Variants in COL11A1 observed in about 807,000 individuals in gnomAD.
The protein encoded by COL11A1 is collagen type XI alpha 1 chain, also known as collagen alpha-1(XI) chain.
COL11A1 carries 74 observed loss-of-function variants against 265.2 expected under a neutral mutation model. That is an observed-to-expected ratio of 0.28 (90% CI 0.23 to 0.34). COL11A1 has a LOEUF of 0.34. Ranked by LOEUF, COL11A1 falls within the 10% of genes least tolerant of loss-of-function variation. COL11A1 has a pLI of 1.00. For missense variants in COL11A1, 2,165 were observed against 2,263.6 expected, an observed-to-expected ratio of 0.96 and a Z score of 0.88; for synonymous variants, 816 against 727.6, an observed-to-expected ratio of 1.12 and a Z score of -1.96.
chr1:102,880,313 C>G (rs1650072763), intron 65 of COL11A1, among the ~76,000 whole-genome samples: 2 of 152,056 alleles, frequency 1.3e-5, no homozygotes, highest in Middle Eastern at 3.4e-3. Flanking sequence ...CAAAGATTAG[C>G]TGGTTTTATG....
chr1:103,022,869 A>C lies in COL11A1; in HGVS notation c.1118T>G (p.Leu373Arg). 1 of 1,614,002 alleles carries C rather than the reference A, an allele frequency of 6.2e-7. No homozygotes were observed. The highest frequency in any genetic ancestry group is 8.5e-7 in the Non-Finnish European group (1 of 1,179,966). ...ATATTCGCCTAAATCTCCATCTACC[A>C]GAAGATCAGAATCCCTGCCGTCTAT... ...KEIDGRDSDL[L>R]VDGDLGEYDF... Residue 373 changes from leucine to arginine, a missense_variant, in exon 8 of 67, where the codon CTG becomes CGG. Leu to Arg is a moderately radical substitution (Grantham distance 102, BLOSUM62 -2). Coordinates refer to ENST00000370096, the MANE Select transcript of COL11A1 (RefSeq NM_001854.4).
chr1:103,024,298 T>C (rs1326575618), intron 7 of COL11A1, among the ~76,000 whole-genome samples: 2 of 152,152 alleles, frequency 1.3e-5, no homozygotes, highest in African/African-American at 2.4e-5. Flanking sequence ...AGCTTATTCA[T>C]TGATTGATTT....
In COL11A1 at chr1:102,888,732, T is replaced by C. The variant is rs575231157; in HGVS notation, c.4545A>G (p.Lys1515=). 41 of 1,613,966 alleles carry C rather than the reference T, an allele frequency of 2.5e-5. No individual in the cohort carries two copies. The East Asian group carries it at 8.2e-4, about 32-fold the overall frequency. Residue 1515 remains lysine (K), a synonymous_variant, in exon 61 of 67, where the codon AAA becomes AAG. Coordinates refer to ENST00000370096, the MANE Select transcript of COL11A1 (RefSeq NM_001854.4). ...AGGGAAAAGTACTTACAGTAGAGCC[T>C]TTGTTACCCTTTGGGCCTTGAGGAC... ...LPGPQGPKGN[K]GSTGPAGQKG...
intron 54 of COL11A1, among the ~76,000 whole-genome samples, chr1:102,902,264 A>G (rs1213367649): frequency 2.0e-5 from 3 of 152,162 alleles, no homozygotes; most frequent in African/African-American, 7.2e-5. Flanking sequence ...AGGGTGCATG[A>G]GTATGTGGTG....
chr1:102,986,733 T>C (rs1399165953), intron 30 of COL11A1, among the ~76,000 whole-genome samples: 1 of 152,136 alleles, frequency 6.6e-6, no homozygotes, highest in Non-Finnish European at 1.5e-5. Context: ...TATTACATTA[T>C]AACATGAAGT....
At chr1:103,071,873 A>G (rs200646063) in intron 4 of COL11A1, among the ~76,000 whole-genome samples, 4 of 4,976 alleles carry the variant, frequency 8.0e-4, no homozygotes, top group Non-Finnish European at 1.3e-3. Context: ...GTGTTTGTAT[A>G]TATATATATA....
At chr1:102,899,090 A>T (rs1444828068) in intron 54 of COL11A1, 96 bp from the exon 55 acceptor site, 4 of 608,604 alleles carry the variant, frequency 6.6e-6, no homozygotes, top group Non-Finnish European at 7.9e-6. Flanking sequence ...TTTGTAACAG[A>T]TGAATAAATT....
intron 4 of COL11A1, among the ~76,000 whole-genome samples, chr1:103,046,700 T>C (rs1277054983): frequency 6.6e-6 from 1 of 151,466 alleles, no homozygotes; most frequent in Non-Finnish European, 1.5e-5. Context: ...TCCTGAATGG[T>C]AATGCCTAGG....
chr1:103,089,153 G>T (rs1224833319), intron 1 of COL11A1, among the ~76,000 whole-genome samples: 2 of 152,104 alleles, frequency 1.3e-5, no homozygotes, highest in Non-Finnish European at 2.9e-5. Context: ...TGAATGCCTG[G>T]AACCCACCCC....
intron 57 of COL11A1, among the ~76,000 whole-genome samples, chr1:102,896,590 A>C (rs1326340271): frequency 6.6e-6 from 1 of 152,180 alleles, no homozygotes; most frequent in Admixed American, 6.6e-5. Flanking sequence ...GTGCCCATGC[A>C]GCCCACTTCT....
chr1:102,908,588 A>G (rs1392407262), intron 54 of COL11A1, among the ~76,000 whole-genome samples: 1 of 152,126 alleles, frequency 6.6e-6, no homozygotes, highest in East Asian at 1.9e-4. Flanking sequence ...TTTTCCATAT[A>G]GAAAATCATT....
Position 103,005,886 on chromosome 1 carries a change from A to T in COL11A1, c.1797T>A (p.Asp599Glu). 1 of 1,595,104 alleles carries T rather than the reference A, an allele frequency of 6.3e-7. No individual in the cohort carries two copies. The highest frequency in any genetic ancestry group is 8.5e-7 in the Non-Finnish European group (1 of 1,174,294). ...GACCCGGAAGTCCATCAAACCCTCGATCTCCCTGTAAAACCATCATCATCA... is the reference window on the plus strand; with the variant it reads ...GACCCGGAAGTCCATCAAACCCTCGTTCTCCCTGTAAAACCATCATCATCA... ...GMPGEPGAKG[D>E]RGFDGLPGLP... The change falls in exon 18 of 67, where the codon GAT becomes GAA. Residue 599 changes from aspartate (D) to glutamate (E), a missense_variant. Transcript: ENST00000370096.
chr1:103,068,433 A>T (rs71655803), intron 4 of COL11A1, among the ~76,000 whole-genome samples: 10,932 of 151,684 alleles, frequency 0.072, 562 homozygotes, highest in African/African-American at 0.14. Flanking sequence ...AAACTAAGAC[A>T]AACAGTAAAT....
chr1:103,080,234 A>T (rs1345714678), intron 2 of COL11A1, among the ~76,000 whole-genome samples: 1 of 151,946 alleles, frequency 6.6e-6, no homozygotes, highest in Non-Finnish European at 1.5e-5. Context: ...TAGACTAGTT[A>T]AGTGGAAGAC....
chr1:102,924,283 T>C (rs983460454), intron 46 of COL11A1, among the ~76,000 whole-genome samples: 1 of 152,162 alleles, frequency 6.6e-6, no homozygotes, highest in Non-Finnish European at 1.5e-5. Flanking sequence ...GTAACTGATA[T>C]TTAGGAAAAG....
At chr1:103,062,544 A>G (rs530316412) in intron 4 of COL11A1, among the ~76,000 whole-genome samples, 5 of 152,090 alleles carry the variant, frequency 3.3e-5, no homozygotes, top group South Asian at 2.1e-4. Flanking sequence ...AATTAGTATC[A>G]CCATCAACAA....
In COL11A1 at chr1:103,108,475, C is replaced by A. The variant is rs1486193184; in HGVS notation, c.-297G>T. 5 of 594,856 alleles carry A rather than the reference C, an allele frequency of 8.4e-6. No individual in the cohort carries two copies. The Admixed American group carries it at 1.5e-4, about 18-fold the overall frequency. The allele number at this position is 594,856 out of a possible 1,614,324, so 36.8% of individuals were successfully genotyped here. On this transcript the variant is annotated 5_prime_UTR_variant, in exon 1 of 67. Transcript: ENST00000370096. ...ATGAAGGCAGATGAGGGGCTTCCACCAACAAGCTGAGAGTACTGTGTGCCC... is the reference window on the plus strand; with the variant it reads ...ATGAAGGCAGATGAGGGGCTTCCACAAACAAGCTGAGAGTACTGTGTGCCC...
intron 6 of COL11A1, 180 bp downstream of exon 6, chr1:103,026,036 C>T: frequency 7.0e-7 from 1 of 1,423,306 alleles, no homozygotes. Context: ...GAAGGCTAAG[C>T]AAAAGTGAAA....
In COL11A1 at chr1:103,091,912, C is replaced by A. The variant is rs1054694377; in HGVS notation, c.107-8940G>T. ...AATTTTAGAGTTAATTTCATCAAAC[C>A]AAACACATAACAAGCCTATTAGTAC... On this transcript the variant is annotated intron_variant, in intron 1 of 66. Transcript: ENST00000370096. Among the ~76,000 whole-genome samples, 3 of 151,920 alleles carry A rather than the reference C, an allele frequency of 2.0e-5. No individual in the cohort carries two copies. In the East Asian group the frequency reaches 5.8e-4, roughly 29 times the overall value.
Sources: gnomAD v4.1 joint callset for allele counts (sites outside exome capture counted in the v4.1 genomes callset) on GRCh38, gnomAD v4.1.1 for gene constraint, MANE v1.5 for transcripts, NCBI Gene and HGNC (gene_info 2026-07-23, HGNC 2026-07-21) for gene names.